TARM1: variants seen among roughly 807,000 people sequenced by gnomAD.
The protein encoded by TARM1 is T-cell-interacting, activating receptor on myeloid cells protein 1.
A neutral mutation model predicts 30.4 loss-of-function variants in TARM1; 24 were observed. The observed-to-expected ratio is 0.79, with a 90% confidence interval of 0.57 to 1.11. The LOEUF (loss-of-function observed/expected upper bound fraction) is 1.11, where lower values mean the gene tolerates loss of function less well. Ranked by LOEUF, TARM1 falls within the 50% of genes least tolerant of loss-of-function variation. The probability of loss-of-function intolerance (pLI) is 0.00; values close to 1 mark genes in which losing one functional copy is unlikely to be tolerated. For synonymous variants in TARM1, 129 were observed against 138.9 expected (o/e 0.93, Z 0.50); for missense variants, 323 against 332.8 (o/e 0.97, Z 0.23).
At chr19:54,071,461 G>A (rs775452218) in intron 4 of TARM1, among the ~76,000 whole-genome samples, 9 of 152,264 alleles carry the variant, frequency 5.9e-5, no homozygotes, top group Non-Finnish European at 8.8e-5. Context: ...ACAGAGCCCC[G>A]AATTCCGTGG....
At chr19:54,071,679 G>A (rs1187167423) in intron 4 of TARM1, among the ~76,000 whole-genome samples, 1 of 152,074 alleles carries the variant, frequency 6.6e-6, no homozygotes, top group African/African-American at 2.4e-5. Flanking sequence ...AATTAGCCGG[G>A]TGTGGTGGCG....
At chr19:54,075,846 G>A in intron 2 of TARM1, 37 bp downstream of exon 2, 1 of 1,548,356 alleles carries the variant, frequency 6.5e-7, no homozygotes. Context: ...GATTTGGGAT[G>A]ACAGGCCAAG....
chr19:54,077,550 AAGG>A (rs1402294296), intron 1 of TARM1, among the ~76,000 whole-genome samples: 2 of 152,024 alleles, frequency 1.3e-5, no homozygotes, highest in Non-Finnish European at 2.9e-5. Context: ...CAGCAGGAAA[AAGG>A]AGAAGTTACC....
chr19:54,076,066 G>A, intron 1 of TARM1, 148 bp from the exon 2 acceptor site: 6 of 1,418,960 alleles, frequency 4.2e-6, no homozygotes, highest in Non-Finnish European at 5.6e-6. Context: ...CCCCACACTG[G>A]ACTGTGGCTT....
chr19:54,073,474 T>G (rs1215859414), intron 4 of TARM1, among the ~76,000 whole-genome samples: 1 of 151,330 alleles, frequency 6.6e-6, no homozygotes, highest in African/African-American at 2.4e-5. Context: ...TTTTTGTTGT[T>G]TTGTTGTTTT....
intron 1 of TARM1, among the ~76,000 whole-genome samples, chr19:54,080,975 AAAAATAAAAT>A (rs587629983): frequency 2.0e-5 from 3 of 152,092 alleles, no homozygotes; most frequent in East Asian, 1.9e-4. Context: ...CCTGTCTCAA[AAAAATAAAAT>A]AAAATAAAAT....
rs2072072082 is a variant in TARM1, at chr19:54,080,128, G to GAAAAAAGAAAGA, written c.34+1178_34+1179insTCTTTCTTTTTT. Among the ~76,000 whole-genome samples the GAAAAAAGAAAGA allele has an allele frequency of 1.3e-4, 5 of 38,770 alleles. 1 individual carries two copies. Among genetic ancestry groups the GAAAAAAGAAAGA allele is most frequent in the African/African-American group, 3.7e-4 (4 of 10,836 alleles). The allele number at this position is 38,770 out of a possible 152,430, so 25.4% of individuals were successfully genotyped here. A position where few individuals can be genotyped will look rare whatever the true frequency, so the allele number is the denominator to read the frequency against. On this transcript the variant is annotated intron_variant, in intron 1 of 4. Coordinates refer to ENST00000432826, the MANE Select transcript of TARM1 (RefSeq NM_001135686.3). Reference sequence around the variant, plus strand: ...GGAAGGAAGGAAGGAAGGAAGGAAGGAAGGAAGGAAGAAAGCAAGCAAGCA... The same window carrying GAAAAAAGAAAGA: ...GGAAGGAAGGAAGGAAGGAAGGAAGGAAAAAAGAAAGAAAGGAAGGAAGAAAGCAAGCAAGCA...
At chr19:54,078,296 C>T (rs2072011833) in intron 1 of TARM1, among the ~76,000 whole-genome samples, 1 of 151,024 alleles carries the variant, frequency 6.6e-6, no homozygotes, top group Non-Finnish European at 1.5e-5. Context: ...GGTGATCCTC[C>T]CACCTCTGCC....
Position 54,074,900 on chromosome 19 carries a change from G to A in TARM1, c.285C>T (p.Tyr95=), listed in dbSNP as rs775825483. 16 of 1,551,492 alleles carry A rather than the reference G, an allele frequency of 1.0e-5. No homozygotes were observed. The highest frequency in any genetic ancestry group is 1.3e-5 in the Non-Finnish European group (15 of 1,146,980). ...ATGCTTTTCTGTAGTATTCACAGGT[G>A]TACTCTCCAGCATTTCTGACTTTTA... is the stretch of plus-strand genomic sequence containing the variant. The part of the protein sequence containing the change: ...NNLKVRNAGE[Y]TCEYYRKASP... The change falls in exon 3 of 5, where the codon TAC becomes TAT. Residue 95 remains tyrosine, a synonymous_variant. Transcript: ENST00000432826.
intron 1 of TARM1, among the ~76,000 whole-genome samples, chr19:54,079,481 A>G (rs1362133694): frequency 1.3e-5 from 2 of 152,168 alleles, no homozygotes; most frequent in Non-Finnish European, 2.9e-5. Context: ...AAAGATCAGC[A>G]TTTGAATCTA....
chr19:54,069,999 G>A lies in TARM1; in HGVS notation c.*4C>T, dbSNP rs1278926512. 1 of 1,549,770 alleles carries A rather than the reference G, an allele frequency of 6.5e-7. No individual in the cohort carries two copies. Among genetic ancestry groups the A allele is most frequent in the African/African-American group, 1.4e-5 (1 of 73,108 alleles). On this transcript the variant is annotated 3_prime_UTR_variant, in exon 5 of 5. Transcript: ENST00000432826. ...AGTTTACCCAGCCCCGGTTCAAGAT[G>A]GAGTCACTCTGGTTTGAAGGCCTCT...
intron 1 of TARM1, among the ~76,000 whole-genome samples, chr19:54,080,131 G>GAAA (rs2072073147): frequency 0.058 from 3,198 of 55,018 alleles, 504 homozygotes; most frequent in Middle Eastern, 0.1. Flanking sequence ...AAGGAAGGAA[G>GAAA]GAAGGAAGAA....
intron 1 of TARM1, among the ~76,000 whole-genome samples, chr19:54,078,514 G>A (rs896374746): frequency 6.6e-5 from 10 of 152,206 alleles, no homozygotes; most frequent in African/African-American, 1.9e-4. Flanking sequence ...AAGTAGCTGG[G>A]ATTACAGGCG....
chr19:54,081,219 T>A, intron 1 of TARM1, 88 bp downstream of exon 1: 2 of 1,334,284 alleles, frequency 1.5e-6, no homozygotes, highest in Admixed American at 2.0e-5. Flanking sequence ...TAAGCCAAAG[T>A]TGATGTTATT....
chr19:54,070,405 CA>C (rs2071782668), intron 4 of TARM1, among the ~76,000 whole-genome samples: 1 of 151,810 alleles, frequency 6.6e-6, no homozygotes, highest in Admixed American at 6.6e-5. Flanking sequence ...GGATTACAGG[CA>C]TGTGCCACCA....
intron 2 of TARM1, among the ~76,000 whole-genome samples, chr19:54,075,511 C>T (rs587634469): frequency 2.3e-4 from 35 of 149,250 alleles, no homozygotes; most frequent in African/African-American, 7.8e-4. Context: ...AGAAGGGAAG[C>T]GGGCTGGGTG....
At chr19:54,079,459 G>C (rs1233641677) in intron 1 of TARM1, among the ~76,000 whole-genome samples, 1 of 152,140 alleles carries the variant, frequency 6.6e-6, no homozygotes, top group Non-Finnish European at 1.5e-5. Flanking sequence ...GTGTCTGTGA[G>C]GGTGTTTTTA....
At chr19:54,076,066 G>T in intron 1 of TARM1, 148 bp from the exon 2 acceptor site, 2 of 1,418,960 alleles carry the variant, frequency 1.4e-6, no homozygotes, top group South Asian at 1.3e-5. Flanking sequence ...CCCCACACTG[G>T]ACTGTGGCTT....
intron 1 of TARM1, among the ~76,000 whole-genome samples, chr19:54,079,150 G>C (rs933456214): frequency 2.0e-5 from 3 of 149,612 alleles, no homozygotes. Context: ...AGTGATCCCA[G>C]CTACTCGGGA....
Sources: allele counts gnomAD v4.1 joint callset (sites outside exome capture counted in the v4.1 genomes callset), GRCh38; gene constraint gnomAD v4.1.1; transcripts MANE v1.5; gene names NCBI Gene and HGNC (gene_info 2026-07-23, HGNC 2026-07-21).